The following CNOT1 variants were observed in gnomAD, a reference collection of about 807,000 sequenced individuals.
The protein encoded by CNOT1 is CCR4-NOT transcription complex subunit 1, also known as CCR4-associated factor 1.
CNOT1 carries 15 observed loss-of-function variants against 273.8 expected under a neutral mutation model. The ratio of observed to expected loss-of-function variants is 0.05; its 90% CI spans 0.04 to 0.08. CNOT1 has a LOEUF of 0.08. CNOT1 is among the 10% of genes least tolerant of loss of function. The pLI is 1.00. For missense variants in CNOT1, 1,644 were observed against 2,912.2 expected (o/e 0.56, Z 10.02); for synonymous variants, 1,022 against 1,005.5 (o/e 1.02, Z -0.31).
intron 22 of CNOT1, among the ~76,000 whole-genome samples, chr16:58,552,685 A>G (rs1322772457): frequency 1.3e-5 from 2 of 152,226 alleles, no homozygotes; most frequent in African/African-American, 4.8e-5. Context: ...GAACTAAATT[A>G]AAATACAGAA....
intron 1 of CNOT1, among the ~76,000 whole-genome samples, chr16:58,604,149 T>C (rs1204139325): frequency 2.6e-5 from 4 of 152,332 alleles, no homozygotes; most frequent in East Asian, 3.9e-4. Context: ...TAGTAGTGCA[T>C]ACTACACACA....
At chr16:58,595,312 G>A (rs1001163498) in intron 2 of CNOT1, among the ~76,000 whole-genome samples, 6 of 149,522 alleles carry the variant, frequency 4.0e-5, no homozygotes, top group Non-Finnish European at 8.9e-5. Context: ...ATTGTTCCCC[G>A]CACCACTATT....
rs142463661 is a variant in CNOT1 at position 58,601,690 on chromosome 16, C to T, written c.-174-2179G>A. ...TATAAAGGATACATAGTTTTATGTA[C>T]ACAAATCAAAGGTTCTACATATGCT... On this transcript the variant is annotated intron_variant, in intron 1 of 48. Coordinates refer to ENST00000317147, the MANE Select transcript of CNOT1 (RefSeq NM_016284.5). Among the ~76,000 whole-genome samples the T allele has an allele frequency of 3.5e-3, 489 of 139,198 alleles. 4 individuals carry two copies. Among genetic ancestry groups the T allele is most frequent in the East Asian group, 0.011 (54 of 4,806 alleles). 91.3% of individuals were successfully genotyped at this position (139,198 alleles called of 152,430 possible).
chr16:58,560,370 A>G lies in CNOT1; in HGVS notation c.1980-8T>C. 1 of 1,612,940 alleles carries G rather than the reference A, an allele frequency of 6.2e-7. No homozygotes were observed. Among genetic ancestry groups the G allele is most frequent in the South Asian group, 1.1e-5 (1 of 90,842 alleles). On this transcript the variant is annotated splice_region_variant and splice_polypyrimidine_tract_variant and intron_variant, in intron 16 of 48. Coordinates refer to ENST00000317147, the MANE Select transcript of CNOT1 (RefSeq NM_016284.5). ...AGCTCCTGAGAAACACTCCTAAAATAGAGGGGAAAAGGTAAAAAATATCAG... is the reference window on the plus strand; with the variant it reads ...AGCTCCTGAGAAACACTCCTAAAATGGAGGGGAAAAGGTAAAAAATATCAG...
intron 1 of CNOT1, among the ~76,000 whole-genome samples, chr16:58,616,016 G>C (rs2152040367): frequency 8.1e-6 from 1 of 123,116 alleles, no homozygotes; most frequent in African/African-American, 2.7e-5. Flanking sequence ...GAGCCCAAGT[G>C]AGCTATGATC....
chr16:58,594,602 G>A (rs925024168), intron 2 of CNOT1, among the ~76,000 whole-genome samples: 4 of 151,624 alleles, frequency 2.6e-5, no homozygotes, highest in Non-Finnish European at 5.9e-5. Context: ...CCAGAAGTTT[G>A]AGACCAACCT....
At chr16:58,583,544 C>A (rs982812563) in intron 8 of CNOT1, among the ~76,000 whole-genome samples, 1 of 152,170 alleles carries the variant, frequency 6.6e-6, no homozygotes, top group African/African-American at 2.4e-5. Flanking sequence ...TGTTAGAAAT[C>A]ATCCACACAG....
chr16:58,586,759 G>A lies in CNOT1; in HGVS notation c.434-11C>T. 6.2e-7 allele frequency: 1 copy of A among 1,610,614 alleles called. No homozygotes were observed. Among genetic ancestry groups the A allele is most frequent in the South Asian group, 1.1e-5 (1 of 90,860 alleles). Reference sequence around the variant, plus strand: ...TGATAAACTGGGCAGCTAGAAGTCAGGTAAACCAAAAACCGCAAGTTACTT... The same window carrying A: ...TGATAAACTGGGCAGCTAGAAGTCAAGTAAACCAAAAACCGCAAGTTACTT... On this transcript the variant is annotated splice_polypyrimidine_tract_variant and intron_variant, in intron 6 of 48. Coordinates refer to ENST00000317147, the MANE Select transcript of CNOT1 (RefSeq NM_016284.5).
intron 42 of CNOT1, 38 bp downstream of exon 42, chr16:58,531,920 T>TA: frequency 6.2e-7 from 1 of 1,610,454 alleles, no homozygotes; most frequent in Non-Finnish European, 8.5e-7. Flanking sequence ...CCCAGGTAGT[T>TA]ATAGTCTTCA....
At chr16:58,620,714 G>A (rs1189844287) in intron 1 of CNOT1, among the ~76,000 whole-genome samples, 1 of 103,860 alleles carries the variant, frequency 9.6e-6, no homozygotes, top group Non-Finnish European at 1.8e-5. Context: ...CTGCTTAACA[G>A]TCTTTTGACT....
Position 58,585,377 on chromosome 16 carries a change from G to A in CNOT1, c.767C>T (p.Ala256Val). ...VAKTMMESSLADFMQEVGYGF... is the reference protein window; with the variant it reads ...VAKTMMESSLVDFMQEVGYGF... ...ATAGCCTACTTCTTGCATGAAATCA[G>A]CCAAAGAGCTCTCCATCATGGTTTT... Residue 256 changes from alanine (A) to valine (V), a missense_variant, in exon 8 of 49, where the codon GCT (alanine) becomes GTT (valine). By Grantham distance (64) the Ala-to-Val change is moderately conservative. This residue lies in a region of CNOT1 where 706 missense variants were observed against 1,021.2 expected (regional missense o/e 0.69). Transcript: ENST00000317147. 1 of 1,613,834 alleles carries A rather than the reference G, an allele frequency of 6.2e-7. No individual in the cohort carries two copies. Among genetic ancestry groups the A allele is most frequent in the Non-Finnish European group, 8.5e-7 (1 of 1,180,000 alleles).
chr16:58,613,440 CAGA>C (rs1261134716), intron 1 of CNOT1, among the ~76,000 whole-genome samples: 1 of 125,146 alleles, frequency 8.0e-6, no homozygotes, highest in African/African-American at 2.7e-5. Flanking sequence ...TCCACTCTCA[CAGA>C]AGTTTTAGGC....
At chr16:58,608,108 G>A (rs1244324072) in intron 1 of CNOT1, among the ~76,000 whole-genome samples, 1 of 151,970 alleles carries the variant, frequency 6.6e-6, no homozygotes, top group African/African-American at 2.4e-5. Flanking sequence ...CTCAGGCCGT[G>A]GAGGTTGCAA....
At chr16:58,528,399 G>T in intron 44 of CNOT1, 76 bp downstream of exon 44, 1 of 1,012,692 alleles carries the variant, frequency 9.9e-7, no homozygotes, top group Non-Finnish European at 1.6e-6. Context: ...GTAGGAAAGT[G>T]CTGAACAGTC....
At chr16:58,618,469 C>A (rs2043175422) in intron 1 of CNOT1, among the ~76,000 whole-genome samples, 2 of 151,842 alleles carry the variant, frequency 1.3e-5, no homozygotes, top group Non-Finnish European at 2.9e-5. Context: ...GTAATCCCAG[C>A]TACTTGGGAG....
chr16:58,590,503 G>A (rs1428599520), intron 2 of CNOT1, among the ~76,000 whole-genome samples: 1 of 152,150 alleles, frequency 6.6e-6, no homozygotes. Context: ...GCTGATGTAT[G>A]AGAATCGCTT....
Position 58,537,134 on chromosome 16 carries a change from G to A in CNOT1, c.5501C>T (p.Ser1834Phe). Residue 1834 changes from serine (S) to phenylalanine (F), a missense_variant, in exon 39 of 49, where the codon TCT becomes TTT. Around this residue, in one of 13 missense-constraint regions of CNOT1, gnomAD observed 133 missense variants for 328.2 expected, o/e 0.41. Coordinates refer to ENST00000317147, the MANE Select transcript of CNOT1 (RefSeq NM_016284.5). ...ATACTCTGAGGCTTGAGAGATCCCA[G>A]AATGCATCATAAAGTTTGGGCCTCC... ...AHGGPNFMMH[S>F]GISQASEYDD... 6.2e-7 allele frequency: 1 copy of A among 1,614,096 alleles called. No individual in the cohort carries two copies. The highest frequency in any genetic ancestry group is 1.1e-5 in the South Asian group (1 of 91,064).
chr16:58,521,889 T>G (rs2039391204), intron 47 of CNOT1, among the ~76,000 whole-genome samples: 1 of 151,954 alleles, frequency 6.6e-6, no homozygotes, highest in East Asian at 1.9e-4. Context: ...AGGTGGAGGT[T>G]GTGGTGAGCC....
At chr16:58,531,937 G>A (rs368784227) in intron 42 of CNOT1, 21 bp downstream of exon 42, 3 of 1,613,520 alleles carry the variant, frequency 1.9e-6, no homozygotes, top group Middle Eastern at 1.7e-4. Context: ...TTCATCTACA[G>A]GAGATAAACT....
Sources: allele counts gnomAD v4.1 joint callset (sites outside exome capture counted in the v4.1 genomes callset), GRCh38; gene constraint gnomAD v4.1.1; regional missense constraint gnomAD v4.1.1; transcripts MANE v1.5; gene names NCBI Gene and HGNC (gene_info 2026-07-23, HGNC 2026-07-21).